PMEPA1: variants seen among roughly 807,000 people sequenced by gnomAD.
PMEPA1 encodes the protein prostate transmembrane protein, androgen induced 1, also known as protein TMEPAI.
A neutral mutation model predicts 23.0 loss-of-function variants in PMEPA1; 11 were observed. The ratio of observed to expected loss-of-function variants is 0.48; its 90% CI spans 0.30 to 0.79. The LOEUF (loss-of-function observed/expected upper bound fraction) is 0.79, where lower values mean the gene tolerates loss of function less well. Among genes scored for constraint, PMEPA1 ranks in the 30% least tolerant of loss-of-function variants. The pLI, the probability that PMEPA1 is intolerant of heterozygous loss-of-function variation, is 0.06. For synonymous variants in PMEPA1, 204 were observed against 166.4 expected (o/e 1.23, Z -1.74); for missense variants, 377 against 390.9 (o/e 0.96, Z 0.30).
intron 1 of PMEPA1, among the ~76,000 whole-genome samples, chr20:57,698,496 T>C (rs181570765): frequency 1.2e-3 from 181 of 152,288 alleles, no homozygotes; most frequent in African/African-American, 4.2e-3. Flanking sequence ...GACCAAACCT[T>C]TGGCTTTTAC....
At chr20:57,666,375 T>A (rs879907327) in intron 1 of PMEPA1, among the ~76,000 whole-genome samples, 1 of 152,096 alleles carries the variant, frequency 6.6e-6, no homozygotes, top group Admixed American at 6.5e-5. Flanking sequence ...ATCATCTGAT[T>A]GAATTCTCAC....
In PMEPA1 at chr20:57,650,276, T is replaced by A. The variant is rs1444366108; in HGVS notation, c.*1777A>T. 6.6e-6 allele frequency: 1 copy of A among 152,252 alleles called. No homozygotes were observed. The highest frequency in any genetic ancestry group is 2.4e-5 in the African/African-American group (1 of 41,474). 9.4% of individuals were successfully genotyped at this position (152,252 alleles called of 1,614,324 possible). A position where few individuals can be genotyped will look rare whatever the true frequency, so the allele number is the denominator to read the frequency against. Reference sequence around the variant, plus strand: ...TATATCTTTTATGTTAGTCTACTAGTCAGCATTCTGCCCAAAATGGAAAGC... The same window carrying A: ...TATATCTTTTATGTTAGTCTACTAGACAGCATTCTGCCCAAAATGGAAAGC... On this transcript the variant is annotated 3_prime_UTR_variant, in exon 4 of 4. Coordinates refer to ENST00000341744, the MANE Select transcript of PMEPA1 (RefSeq NM_020182.5).
intron 1 of PMEPA1, among the ~76,000 whole-genome samples, chr20:57,697,488 G>A (rs556162126): frequency 1.3e-5 from 2 of 152,354 alleles, no homozygotes; most frequent in East Asian, 1.9e-4. Flanking sequence ...ATTCTACAGG[G>A]TTACTGGCAA....
rs1271745842 is a variant in PMEPA1, at chr20:57,709,587, G to A, written c.-5C>T. 2.0e-6 allele frequency: 2 copies of A among 1,000,598 alleles called. No individual in the cohort carries two copies. The highest frequency in any genetic ancestry group is 2.4e-6 in the Non-Finnish European group (2 of 831,492). 62.0% of individuals were successfully genotyped at this position (1,000,598 alleles called of 1,614,324 possible). On this transcript the variant is annotated 5_prime_UTR_variant, in exon 1 of 4. Coordinates refer to ENST00000341744, the MANE Select transcript of PMEPA1 (RefSeq NM_020182.5). ...GACCCCCATCAAGCGGTGCATGGAC[G>A]GCGCGGCGGCGCGGCGCGGGGCGCG... is the stretch of plus-strand genomic sequence containing the variant.
intron 2 of PMEPA1, among the ~76,000 whole-genome samples, chr20:57,657,805 C>A (rs150372267): frequency 6.6e-6 from 1 of 152,214 alleles, no homozygotes; most frequent in Non-Finnish European, 1.5e-5. Context: ...TGGGCGCCAC[C>A]ACCAACCCCA....
intron 2 of PMEPA1, among the ~76,000 whole-genome samples, chr20:57,658,423 C>T (rs1316914200): frequency 1.3e-5 from 2 of 152,210 alleles, no homozygotes; most frequent in African/African-American, 4.8e-5. Flanking sequence ...TGCGCCCATC[C>T]AACTCACCAG....
intron 1 of PMEPA1, among the ~76,000 whole-genome samples, chr20:57,676,714 G>A (rs1056228181): frequency 6.6e-6 from 1 of 152,184 alleles, no homozygotes; most frequent in Non-Finnish European, 1.5e-5. Flanking sequence ...GAGCCACTGG[G>A]AGCTGGACCC....
At chr20:57,709,386 A>T in intron 1 of PMEPA1, 88 bp downstream of exon 1, 1 of 923,678 alleles carries the variant, frequency 1.1e-6, no homozygotes, top group Non-Finnish European at 1.3e-6. Context: ...GGGGGCGCGC[A>T]GGGCCCGGAC....
In PMEPA1 at chr20:57,659,732, A is replaced by T. The variant is rs1282841598; in HGVS notation, c.110-35T>A. 3 of 1,546,496 alleles carry T rather than the reference A, an allele frequency of 1.9e-6. No homozygotes were observed. In the South Asian group the frequency reaches 3.6e-5, roughly 18 times the overall value. ...CAAAGAGGGACACGTGAGACCCTGGACACCTGCAGGTCGCTGTGCTCAGGG... is the reference window on the plus strand; with the variant it reads ...CAAAGAGGGACACGTGAGACCCTGGTCACCTGCAGGTCGCTGTGCTCAGGG... On this transcript the variant is annotated intron_variant, in intron 1 of 3. Coordinates refer to ENST00000341744, the MANE Select transcript of PMEPA1 (RefSeq NM_020182.5).
At position 57,661,731 on chromosome 20, in the gene PMEPA1, C is replaced by T. The variant is rs546381978; in HGVS notation, c.110-2034G>A. Among the ~76,000 whole-genome samples, 14 of 152,328 alleles carry T rather than the reference C, an allele frequency of 9.2e-5. No individual in the cohort carries two copies. In the East Asian group the frequency reaches 2.5e-3, roughly 27 times the overall value. ...CACACTCCAAACCCGGGGGGCCCAG[C>T]CATCTCCTGCCACCAGCCTCGCTCT... On this transcript the variant is annotated intron_variant, in intron 1 of 3. Coordinates refer to ENST00000341744, the MANE Select transcript of PMEPA1 (RefSeq NM_020182.5).
intron 2 of PMEPA1, among the ~76,000 whole-genome samples, chr20:57,658,097 C>T (rs73302923): frequency 0.029 from 4,413 of 152,316 alleles, 132 homozygotes; most frequent in African/African-American, 0.079. Flanking sequence ...TTCAGGCGGC[C>T]GACATGGAGC....
intron 1 of PMEPA1, among the ~76,000 whole-genome samples, chr20:57,685,434 G>C (rs2071788163): frequency 6.6e-6 from 1 of 152,238 alleles, no homozygotes; most frequent in African/African-American, 2.4e-5. Flanking sequence ...CTGGCGTGCT[G>C]TCTAGACACA....
chr20:57,689,109 AC>A lies in PMEPA1; in HGVS notation c.109+20364del, dbSNP rs1441855838. Among the ~76,000 whole-genome samples, 113 of 152,212 alleles carry A rather than the reference AC, an allele frequency of 7.4e-4. 2 individuals carry two copies. Among genetic ancestry groups the A allele is most frequent in the Admixed American group, 6.5e-5 (1 of 15,302 alleles). On this transcript the variant is annotated intron_variant, in intron 1 of 3. Transcript: ENST00000341744. ...GGCGTCAGCTTGATTGGGTTTCAAA[AC>A]GCGTTTCTGTTTGGGAGCTGCCTCT... is the stretch of plus-strand genomic sequence containing the variant.
rs1215460998 is a variant in PMEPA1, at chr20:57,653,063, C to T, written c.288G>A (p.Glu96=). The T allele has an allele frequency of 1.3e-6, 2 of 1,592,414 alleles. No homozygotes were observed. The highest frequency in any genetic ancestry group is 1.7e-6 in the Non-Finnish European group (2 of 1,169,256). Residue 96 remains glutamate (E), a synonymous_variant, in exon 3 of 4, where the codon GAG becomes GAA. Transcript: ENST00000341744. ...GGATTCCGTTGCCTGACACTGTGCT[C>T]TCCGAGGGCCACAGGCATCCTTCCT... ...LSSEGCLWPS[E]STVSGNGIPE... is the part of the protein sequence containing the mutation.
At chr20:57,692,435 G>A (rs1335275483) in intron 1 of PMEPA1, among the ~76,000 whole-genome samples, 1 of 152,242 alleles carries the variant, frequency 6.6e-6, no homozygotes, top group African/African-American at 2.4e-5. Flanking sequence ...GGGCGGCCCA[G>A]ACAGGGGAGC....
chr20:57,664,534 C>T (rs572649425), intron 1 of PMEPA1, among the ~76,000 whole-genome samples: 7 of 149,772 alleles, frequency 4.7e-5, no homozygotes, highest in Non-Finnish European at 7.4e-5. Context: ...GCTCTCCACC[C>T]GCGGCAGCTC....
intron 1 of PMEPA1, among the ~76,000 whole-genome samples, chr20:57,676,969 G>T (rs775431274): frequency 6.6e-5 from 10 of 152,188 alleles, no homozygotes; most frequent in Admixed American, 5.9e-4. Flanking sequence ...TTAAAACCCT[G>T]CGAGGCCCAC....
chr20:57,653,162 C>T, intron 2 of PMEPA1, 76 bp from the exon 3 acceptor site: 1 of 1,211,426 alleles, frequency 8.3e-7, no homozygotes, highest in South Asian at 1.3e-5. Context: ...CCAGATTCGA[C>T]TCTTAGGCCT....
At chr20:57,672,567 C>G (rs1324916173) in intron 1 of PMEPA1, among the ~76,000 whole-genome samples, 1 of 152,246 alleles carries the variant, frequency 6.6e-6, no homozygotes. Context: ...GCGACGGGCA[C>G]CGTCTGGAGG....
Sources: allele counts gnomAD v4.1 joint callset (sites outside exome capture counted in the v4.1 genomes callset), GRCh38; gene constraint gnomAD v4.1.1; transcripts MANE v1.5; gene names NCBI Gene and HGNC (gene_info 2026-07-23, HGNC 2026-07-21).